The following SMIM41 variants were observed in gnomAD, a reference collection of about 807,000 sequenced individuals.
SMIM41 encodes small integral membrane protein 41.
In SMIM41 at chr12:52,088,885, C is replaced by T. The variant is rs531828681; in HGVS notation, c.*195+4917C>T. 5.4e-4 allele frequency among the ~76,000 whole-genome samples: 82 copies of T among 152,250 alleles called. No individual in the cohort carries two copies. The South Asian group carries it at 0.015, about 28-fold the overall frequency. On this transcript the variant is annotated intron_variant, in intron 2 of 2. Coordinates refer to ENST00000546390, the MANE Select transcript of SMIM41 (RefSeq NM_001369216.1). ...CTGTGTCTCTCACTACTGTCCCTCA[C>T]GTGCTCCACCATCTCCAGTCTTCTG... is the stretch of plus-strand genomic sequence containing the variant.
intron 2 of SMIM41, among the ~76,000 whole-genome samples, chr12:52,091,034 AC>A (rs558264266): frequency 1.2e-4 from 18 of 152,238 alleles, no homozygotes; most frequent in African/African-American, 4.1e-4. Flanking sequence ...TCTTATGAAA[AC>A]AGGGTATCAC....
At chr12:52,080,788 T>C (rs1461573686) in intron 1 of SMIM41, among the ~76,000 whole-genome samples, 1 of 152,094 alleles carries the variant, frequency 6.6e-6, no homozygotes, top group Non-Finnish European at 1.5e-5. Context: ...GTGGTCATGT[T>C]TGAGGGCAGA....
At chr12:52,101,721 T>G (rs1297318408) in intron 2 of SMIM41, among the ~76,000 whole-genome samples, 3 of 152,124 alleles carry the variant, frequency 2.0e-5, no homozygotes, top group African/African-American at 7.2e-5. Flanking sequence ...TTTGTTTTTT[T>G]TTTGTTTTGA....
intron 2 of SMIM41, among the ~76,000 whole-genome samples, chr12:52,086,379 G>A (rs1472081166): frequency 6.6e-6 from 1 of 152,130 alleles, no homozygotes; most frequent in Non-Finnish European, 1.5e-5. Flanking sequence ...CTGGTTCTGC[G>A]AGCCCACTGC....
intron 2 of SMIM41, among the ~76,000 whole-genome samples, chr12:52,100,659 G>T (rs1425095487): frequency 7.5e-6 from 1 of 132,530 alleles, no homozygotes; most frequent in African/African-American, 2.9e-5. Context: ...TTTTAGTAGA[G>T]ACAGTGTTTC....
chr12:52,080,586 G>C (rs565396680), intron 1 of SMIM41, among the ~76,000 whole-genome samples: 46 of 152,294 alleles, frequency 3.0e-4, no homozygotes, highest in African/African-American at 1.1e-3. Flanking sequence ...TCACCTCCAT[G>C]GTCTGCATCT....
At chr12:52,099,135 G>C (rs565846987) in intron 2 of SMIM41, among the ~76,000 whole-genome samples, 2 of 152,070 alleles carry the variant, frequency 1.3e-5, no homozygotes, top group African/African-American at 4.8e-5. Context: ...TACCCCCTGC[G>C]ATATTGGGAG....
chr12:52,099,475 C>T (rs1443369123), intron 2 of SMIM41, among the ~76,000 whole-genome samples: 1 of 151,882 alleles, frequency 6.6e-6, no homozygotes, highest in Non-Finnish European at 1.5e-5. Flanking sequence ...GCAATATCAT[C>T]CTCTCGCCCT....
intron 2 of SMIM41, among the ~76,000 whole-genome samples, chr12:52,095,749 G>A (rs1592326881): frequency 6.6e-6 from 1 of 151,964 alleles, no homozygotes; most frequent in Middle Eastern, 3.4e-3. Flanking sequence ...GAATATTAAG[G>A]ACAATATCAC....
chr12:52,082,867 C>T (rs1015994039), intron 1 of SMIM41, among the ~76,000 whole-genome samples: 18 of 152,296 alleles, frequency 1.2e-4, no homozygotes, highest in African/African-American at 4.3e-4. Context: ...GATTCCTGAG[C>T]CCCACATCGT....
chr12:52,088,940 T>C (rs61915180), intron 2 of SMIM41, among the ~76,000 whole-genome samples: 11,289 of 151,942 alleles, frequency 0.074, 465 homozygotes, highest in South Asian at 0.088. Context: ...CCCACCCCTC[T>C]GCCAGGCACC....
chr12:52,103,754 GTAAA>G (rs747469326), intron 2 of SMIM41, among the ~76,000 whole-genome samples: 3 of 149,936 alleles, frequency 2.0e-5, no homozygotes, highest in East Asian at 2.0e-4. Context: ...ACTGTCTCCA[GTAAA>G]TAAATAAATA....
At chr12:52,082,846 C>T (rs942216393) in intron 1 of SMIM41, among the ~76,000 whole-genome samples, 4 of 152,184 alleles carry the variant, frequency 2.6e-5, no homozygotes, top group African/African-American at 9.7e-5. Flanking sequence ...ACGGGGGTGG[C>T]TCTCTCTACA....
intron 2 of SMIM41, chr12:52,087,567 C>T (rs1196901623): frequency 6.6e-6 from 1 of 152,500 alleles, no homozygotes; most frequent in East Asian, 1.9e-4. Context: ...TCTCACAGAT[C>T]TCCTCCTGCT....
At chr12:52,091,845 GA>G (rs1332213696) in intron 2 of SMIM41, among the ~76,000 whole-genome samples, 25 of 152,342 alleles carry the variant, frequency 1.6e-4, no homozygotes, top group African/African-American at 5.5e-4. Context: ...AAGATTTAGG[GA>G]AGTGTTAACA....
At chr12:52,103,151 C>T (rs1372667067) in intron 2 of SMIM41, among the ~76,000 whole-genome samples, 1 of 150,114 alleles carries the variant, frequency 6.7e-6, no homozygotes, top group African/African-American at 2.5e-5. Flanking sequence ...CTTGGTGAAA[C>T]CCCGTCTCTA....
chr12:52,089,077 G>A (rs1037350589), intron 2 of SMIM41, among the ~76,000 whole-genome samples: 9 of 151,782 alleles, frequency 5.9e-5, no homozygotes, highest in East Asian at 1.9e-4. Context: ...GAACAAAACC[G>A]GTGGAATTCC....
intron 2 of SMIM41, chr12:52,093,529 G>A (rs896217524): frequency 1.3e-5 from 2 of 152,170 alleles, no homozygotes; most frequent in South Asian, 2.1e-4. Context: ...AGTAGGCTGC[G>A]CCGTTGGCTG....
intron 2 of SMIM41, among the ~76,000 whole-genome samples, chr12:52,085,074 A>C (rs891403108): frequency 6.6e-6 from 1 of 152,202 alleles, no homozygotes; most frequent in Non-Finnish European, 1.5e-5. Flanking sequence ...ATGTGTTATC[A>C]GTTAGAACTT....
Sources: gnomAD v4.1 joint callset for allele counts (sites outside exome capture counted in the v4.1 genomes callset) on GRCh38, gnomAD v4.1.1 for gene constraint, MANE v1.5 for transcripts, NCBI Gene and HGNC (gene_info 2026-07-23, HGNC 2026-07-21) for gene names.